Variants in CIT observed in about 807,000 individuals in gnomAD.
CIT encodes the protein citron Rho-interacting kinase.
Under a neutral mutation model 272.7 loss-of-function variants are expected in CIT, and 79 were observed. That is an observed-to-expected ratio of 0.29 (90% CI 0.24 to 0.35). CIT has a LOEUF of 0.35. Among genes scored for constraint, CIT ranks in the 10% least tolerant of loss-of-function variants. CIT has a pLI of 1.00. For synonymous variants in CIT, 948 were observed against 995.6 expected (o/e 0.95, Z 0.90); for missense variants, 1,909 against 2,618.3 (o/e 0.73, Z 5.91).
intron 16 of CIT, among the ~76,000 whole-genome samples, chr12:119,775,052 C>T (rs1264208245): frequency 6.6e-6 from 1 of 152,152 alleles, no homozygotes; most frequent in Non-Finnish European, 1.5e-5. Flanking sequence ...GCATGCAGAT[C>T]ACCTGAGGTC....
In CIT at chr12:119,742,377, T is replaced by G; in HGVS notation, c.2958+34A>C. The G allele has an allele frequency of 2.0e-6, 3 of 1,525,932 alleles. No individual in the cohort carries two copies. The East Asian group carries it at 6.9e-5, about 35-fold the overall frequency. The allele number at this position is 1,525,932 out of a possible 1,614,324, so 94.5% of individuals were successfully genotyped here. The stretch of plus-strand genomic sequence containing the variant: ...TTTCCTCCTCTGTTTTAGTTTCATG[T>G]TATTTTAATCGTCTTTGGGTAATTA... On this transcript the variant is annotated intron_variant, in intron 24 of 47. Transcript: ENST00000392521.
intron 10 of CIT, among the ~76,000 whole-genome samples, chr12:119,796,882 T>C (rs982591309): frequency 1.3e-5 from 2 of 151,998 alleles, no homozygotes; most frequent in African/African-American, 2.4e-5. Flanking sequence ...CGAAGAAAGG[T>C]AGTATTAATG....
chr12:119,832,920 G>T, intron 6 of CIT, 56 bp from the exon 7 acceptor site: 2 of 1,322,724 alleles, frequency 1.5e-6, no homozygotes, highest in Non-Finnish European at 2.2e-6. Context: ...GCAAGCAAGT[G>T]CTAACCTAGA....
intron 21 of CIT, 140 bp downstream of exon 21, chr12:119,758,451 C>A: frequency 3.1e-6 from 2 of 648,916 alleles, no homozygotes; most frequent in Non-Finnish European, 5.6e-6. Context: ...GGCAAGATGA[C>A]GTAAGTATCT....
intron 16 of CIT, among the ~76,000 whole-genome samples, chr12:119,775,200 G>A (rs1963622521): frequency 6.6e-6 from 1 of 152,060 alleles, no homozygotes; most frequent in Admixed American, 6.5e-5. Context: ...TTCAACCCAG[G>A]AGGCGGAGGT....
rs1172069626 is a variant in CIT, at chr12:119,697,573, A to G, written c.5882+86T>C. The G allele has an allele frequency of 1.5e-6, 2 of 1,348,978 alleles. No individual in the cohort carries two copies. The highest frequency in any genetic ancestry group is 4.6e-5 in the East Asian group (2 of 43,476). The allele number at this position is 1,348,978 out of a possible 1,614,324, so 83.6% of individuals were successfully genotyped here. On this transcript the variant is annotated intron_variant, in intron 46 of 47. Coordinates refer to ENST00000392521, the MANE Select transcript of CIT (RefSeq NM_001206999.2). This position sits in a 1 kb window ranked among gnomAD's most constrained non-coding sequence, Gnocchi z 4.9. ...TTAAGAACAAAGTGAAGATTGGGAA[A>G]CATTCTACTGGTTTAGTATCACTTC...
intron 25 of CIT, 63 bp from the exon 26 acceptor site, chr12:119,734,420 T>C: frequency 1.9e-6 from 3 of 1,551,594 alleles, no homozygotes; most frequent in Non-Finnish European, 2.6e-6. Flanking sequence ...GAGATTACTT[T>C]GGTCGGGTCA....
In CIT at chr12:119,804,959, A is replaced by C. The variant is rs1966505427; in HGVS notation, c.1112-1570T>G. Among the ~76,000 whole-genome samples, 1 of 152,348 alleles carries C rather than the reference A, an allele frequency of 6.6e-6. No individual in the cohort carries two copies. Among genetic ancestry groups the C allele is most frequent in the Admixed American group, 6.5e-5 (1 of 15,304 alleles). On this transcript the variant is annotated intron_variant, in intron 9 of 47. Transcript: ENST00000392521. This position sits in a 1 kb window ranked among gnomAD's most constrained non-coding sequence, Gnocchi z 5.3. ...AATCTACTTGCTTAATACTTTAAAA[A>C]TTAGCTGATGGAAAGAAAAATTAGA...
At chr12:119,795,932 AGAAG>A (rs1202185263) in intron 10 of CIT, among the ~76,000 whole-genome samples, 2 of 152,270 alleles carry the variant, frequency 1.3e-5, no homozygotes, top group African/African-American at 4.8e-5. Flanking sequence ...TACACTGTGC[AGAAG>A]GAATTGGTAT....
chr12:119,835,359 C>A (rs1968920632), intron 5 of CIT, among the ~76,000 whole-genome samples: 1 of 152,148 alleles, frequency 6.6e-6, no homozygotes, highest in African/African-American at 2.4e-5. Flanking sequence ...TGGCACAGTG[C>A]CTGGCACCAA....
rs4767849 is a variant in CIT at position 119,832,724 on chromosome 12, T to C, written c.753+47A>G. Reference sequence around the variant, plus strand: ...TTCCCAAACTTAGGAGGACCAAGAATACTTTTTAGTATAAACTCTATTAAG... The same window carrying C: ...TTCCCAAACTTAGGAGGACCAAGAACACTTTTTAGTATAAACTCTATTAAG... On this transcript the variant is annotated intron_variant, in intron 7 of 47. Transcript: ENST00000392521. 0.64 allele frequency: 944,665 copies of C among 1,479,758 alleles called. 304,519 individuals are homozygous for C. The highest frequency in any genetic ancestry group is 0.82 in the East Asian group (36,079 of 44,132). 91.7% of individuals were successfully genotyped at this position (1,479,758 alleles called of 1,614,324 possible).
At chr12:119,794,929 G>C (rs2137806936) in intron 10 of CIT, among the ~76,000 whole-genome samples, 1 of 152,330 alleles carries the variant, frequency 6.6e-6, no homozygotes, top group Admixed American at 6.5e-5. Context: ...TTACAGATGA[G>C]GGAATTGAGG....
chr12:119,738,938 C>T (rs1958926575), intron 24 of CIT, among the ~76,000 whole-genome samples: 2 of 150,804 alleles, frequency 1.3e-5, no homozygotes, highest in South Asian at 4.2e-4. Context: ...AAAAAAACAG[C>T]TCTGTTTGGG....
intron 20 of CIT, among the ~76,000 whole-genome samples, chr12:119,760,425 G>A (rs558155597): frequency 6.6e-6 from 1 of 152,128 alleles, no homozygotes; most frequent in South Asian, 2.1e-4. Flanking sequence ...CCAGAAGTTT[G>A]AGACCAGCCT....
chr12:119,767,114 T>C lies in CIT; in HGVS notation c.2277A>G (p.Lys759=). The change falls in exon 19 of 48, where the codon AAA becomes AAG. Residue 759 remains lysine, a synonymous_variant. Coordinates refer to ENST00000392521, the MANE Select transcript of CIT (RefSeq NM_001206999.2). Reference sequence around the variant, plus strand: ...TAATCTTTTCCTCATAGTGCTGCTCTTTCTGTTTCAGGTGCACTTCTAGGT... The same window carrying C: ...TAATCTTTTCCTCATAGTGCTGCTCCTTCTGTTTCAGGTGCACTTCTAGGT... ...AQHLEVHLKQ[K]EQHYEEKIKV... is the part of the protein sequence containing the mutation. 2 of 1,611,192 alleles carry C rather than the reference T, an allele frequency of 1.2e-6. No individual in the cohort carries two copies. The highest frequency in any genetic ancestry group is 1.7e-6 in the Non-Finnish European group (2 of 1,178,620).
rs553304666 is a variant in CIT at position 119,862,772 on chromosome 12, T to C, written c.239-5074A>G. On this transcript the variant is annotated intron_variant, in intron 3 of 47. Coordinates refer to ENST00000392521, the MANE Select transcript of CIT (RefSeq NM_001206999.2). ...TTGCAGTGAGCCAAGATCGCACCAC[T>C]GCACTCCAGCCTGGGTGACAGAGCA... Among the ~76,000 whole-genome samples, 403 of 110,918 alleles carry C rather than the reference T, an allele frequency of 3.6e-3. 4 individuals carry two copies. Among genetic ancestry groups the C allele is most frequent in the African/African-American group, 0.014 (390 of 27,438 alleles). 72.8% of individuals were successfully genotyped at this position (110,918 alleles called of 152,430 possible).
intron 5 of CIT, among the ~76,000 whole-genome samples, chr12:119,838,380 T>C (rs975050198): frequency 1.3e-5 from 2 of 152,046 alleles, no homozygotes; most frequent in Non-Finnish European, 2.9e-5. Context: ...GCAAGAATTT[T>C]AAAATAATAA....
At chr12:119,785,134 A>G in intron 10 of CIT, 69 bp from the exon 11 acceptor site, 2 of 1,510,190 alleles carry the variant, frequency 1.3e-6, no homozygotes, top group Non-Finnish European at 1.8e-6. Context: ...AGGAAGCTGC[A>G]ACATTTGTTT....
At chr12:119,808,543 A>G (rs1966734082) in intron 9 of CIT, among the ~76,000 whole-genome samples, 1 of 152,170 alleles carries the variant, frequency 6.6e-6, no homozygotes, top group Middle Eastern at 3.4e-3. Context: ...AAAAATACTG[A>G]GCCTCGTAAA....
Sources: allele counts gnomAD v4.1 joint callset (sites outside exome capture counted in the v4.1 genomes callset), GRCh38; gene constraint gnomAD v4.1.1; non-coding constraint Gnocchi (gnomAD v3.1); transcripts MANE v1.5; gene names NCBI Gene and HGNC (gene_info 2026-07-23, HGNC 2026-07-21).